The following PCDHA1 variants were observed in gnomAD, a reference collection of about 807,000 sequenced individuals.
PCDHA1 encodes protocadherin alpha 1.
A neutral mutation model predicts 61.3 loss-of-function variants in PCDHA1; 42 were observed. The observed-to-expected ratio is 0.69, with a 90% CI of 0.54 to 0.89. The LOEUF (loss-of-function observed/expected upper bound fraction) is 0.89. Among genes scored for constraint, PCDHA1 ranks in the 40% least tolerant of loss-of-function variants. The probability of loss-of-function intolerance (pLI) is 0.00; values close to 1 mark genes in which losing one functional copy is unlikely to be tolerated. For missense variants in PCDHA1, 1,256 were observed against 1,235.3 expected (o/e 1.02, Z -0.25); for synonymous variants, 610 against 553.8 (o/e 1.10, Z -1.43).
At chr5:140,803,690 T>C (rs782237100) in intron 1 of PCDHA1, 1 of 1,553,866 alleles carries the variant, frequency 6.4e-7, no homozygotes, top group East Asian at 2.2e-5. Flanking sequence ...GTATGAATTA[T>C]GTGATTCATA....
chr5:140,929,480 G>C, intron 1 of PCDHA1: 1 of 1,195,420 alleles, frequency 8.4e-7, no homozygotes, highest in Non-Finnish European at 1.1e-6. Context: ...TGGAAGTATA[G>C]AAGTATTAGA....
intron 1 of PCDHA1, among the ~76,000 whole-genome samples, chr5:140,818,937 A>G (rs1160435477): frequency 4.6e-5 from 7 of 152,228 alleles, no homozygotes; most frequent in Middle Eastern, 3.2e-3. Flanking sequence ...ATTATTTGAC[A>G]TGAACATTGA....
At chr5:140,823,911 C>T (rs2150130255) in intron 1 of PCDHA1, 3 of 1,613,880 alleles carry the variant, frequency 1.9e-6, no homozygotes, top group Admixed American at 1.7e-5. Flanking sequence ...TGCTGGTGCT[C>T]ACGCTGCTGC....
intron 1 of PCDHA1, 163 bp from the exon 2 acceptor site, chr5:140,978,786 G>C (rs2096822943): frequency 1.4e-5 from 14 of 972,674 alleles, no homozygotes; most frequent in Non-Finnish European, 1.3e-5. Context: ...CTTCTAAAGT[G>C]CTATATATGT....
chr5:140,855,923 A>C (rs1424860955), intron 1 of PCDHA1: 25 of 1,229,030 alleles, frequency 2.0e-5, no homozygotes, highest in Non-Finnish European at 2.7e-5. Context: ...ACTAGGAAGT[A>C]GCGTCATTCT....
intron 3 of PCDHA1, among the ~76,000 whole-genome samples, chr5:141,007,375 A>G (rs2098319986): frequency 6.8e-6 from 1 of 146,418 alleles, no homozygotes; most frequent in Non-Finnish European, 1.5e-5. Context: ...ACATGATGGA[A>G]CACCATCTCT....
rs2150283562 is a variant in PCDHA1, at chr5:140,838,076, TA to T, written c.2394+49393del. 8.0e-3 allele frequency among the ~76,000 whole-genome samples: 249 copies of T among 31,136 alleles called. 2 individuals are homozygous for T. The highest frequency in any genetic ancestry group is 0.023 in the African/African-American group (97 of 4,194). The allele number at this position is 31,136 out of a possible 152,430, so 20.4% of individuals were successfully genotyped here. On this transcript the variant is annotated intron_variant, in intron 1 of 3. Transcript: ENST00000504120. ...TTTTCCACTTTAAGTTATATATATA[TA>T]GTGTGTGTGTGTGTGTGTGTGTGTG... is the stretch of plus-strand genomic sequence containing the variant.
chr5:140,895,687 T>G (rs1417809630), intron 1 of PCDHA1, among the ~76,000 whole-genome samples: 2 of 152,184 alleles, frequency 1.3e-5, no homozygotes, highest in African/African-American at 4.8e-5. Flanking sequence ...GTTTTCTGTT[T>G]CTATATTAAT....
In PCDHA1 at chr5:140,855,370, A is replaced by C. The variant is rs1007316942; in HGVS notation, c.2394+66686A>C. Among the ~76,000 whole-genome samples the C allele has an allele frequency of 2.7e-5, 4 of 150,058 alleles. 1 individual carries two copies. Among genetic ancestry groups the C allele is most frequent in the Non-Finnish European group, 6.0e-5 (4 of 67,120 alleles). On this transcript the variant is annotated intron_variant, in intron 1 of 3. Transcript: ENST00000504120. ...AGTCATGTGGCTAGTGAGTAGGATA[A>C]TAGGAATCTAAATGGAGAAATGTCT...
chr5:140,903,273 T>G (rs1213268192), intron 1 of PCDHA1, among the ~76,000 whole-genome samples: 2 of 152,228 alleles, frequency 1.3e-5, no homozygotes, highest in Non-Finnish European at 2.9e-5. Flanking sequence ...AGTGAGGTAG[T>G]GTCTCATTGT....
intron 1 of PCDHA1, chr5:140,809,296 C>T: frequency 6.2e-7 from 1 of 1,614,130 alleles, no homozygotes; most frequent in Non-Finnish European, 8.5e-7. Context: ...TGATCATTGC[C>T]ATCTGCGCGG....
Position 140,802,614 on chromosome 5 carries a change from C to T in PCDHA1, c.2394+13930C>T. ...GAAGGAGAACAACCCGCCGGGCTGC[C>T]ACATCTTCACGGTGTCTGCGCGGGA... On this transcript the variant is annotated intron_variant, in intron 1 of 3. Coordinates refer to ENST00000504120, the MANE Select transcript of PCDHA1 (RefSeq NM_018900.4). 3 of 1,614,048 alleles carry T rather than the reference C, an allele frequency of 1.9e-6. No homozygotes were observed. In the South Asian group the frequency reaches 3.3e-5, roughly 18 times the overall value.
intron 1 of PCDHA1, chr5:140,828,834 A>G: frequency 1.9e-6 from 3 of 1,614,222 alleles, no homozygotes; most frequent in Non-Finnish European, 2.5e-6. Flanking sequence ...TCTGAATACG[A>G]AGTAAGAATA....
rs2150111777 is a variant in PCDHA1, at chr5:140,821,900, C to A, written c.2394+33216C>A. On this transcript the variant is annotated intron_variant, in intron 1 of 3. Coordinates refer to ENST00000504120, the MANE Select transcript of PCDHA1 (RefSeq NM_018900.4). ...ATCCCGGAGGAAGCCAAACACGGAA[C>A]CTTCGTTGGCCGCATCGCGCAGGAC... is the stretch of plus-strand genomic sequence containing the variant. 24 of 1,614,088 alleles carry A rather than the reference C, an allele frequency of 1.5e-5. No individual in the cohort carries two copies. The East Asian group carries it at 2.4e-4, about 16-fold the overall frequency.
At chr5:140,985,739 C>CA (rs781951589) in intron 3 of PCDHA1, among the ~76,000 whole-genome samples, 2 of 117,920 alleles carry the variant, frequency 1.7e-5, no homozygotes, top group Non-Finnish European at 3.4e-5. Flanking sequence ...TGATGAATTC[C>CA]TTTTTTTTTT....
chr5:140,809,620 A>C (rs1554125322), intron 1 of PCDHA1: 1 of 1,511,684 alleles, frequency 6.6e-7, no homozygotes. Context: ...GTTTTTCTCT[A>C]TCAACTTCTT....
chr5:140,836,538 A>G, intron 1 of PCDHA1: 1 of 1,613,734 alleles, frequency 6.2e-7, no homozygotes, highest in Non-Finnish European at 8.5e-7. Flanking sequence ...GCTGCTGTAC[A>G]CGGCGTTGCG....
chr5:140,828,819 A>T, intron 1 of PCDHA1: 2 of 1,614,224 alleles, frequency 1.2e-6, no homozygotes, highest in Middle Eastern at 3.3e-4. Flanking sequence ...CCCACTTTCG[A>T]ACAGTCTGAA....
Position 140,818,481 on chromosome 5 carries a change from C to T in PCDHA1, c.2394+29797C>T, listed in dbSNP as rs2150101403. ...AAACTTTCCTCCCACAAAGTTTTCA[C>T]TCACTTGATCTTGGATTTTAAAATC... On this transcript the variant is annotated intron_variant, in intron 1 of 3. Coordinates refer to ENST00000504120, the MANE Select transcript of PCDHA1 (RefSeq NM_018900.4). 3.2e-4 allele frequency among the ~76,000 whole-genome samples: 49 copies of T among 152,332 alleles called. 1 individual carries two copies. Among genetic ancestry groups the T allele is most frequent in the South Asian group, 2.7e-3 (13 of 4,828 alleles).
Sources: gnomAD v4.1 joint callset for allele counts (sites outside exome capture counted in the v4.1 genomes callset) on GRCh38, gnomAD v4.1.1 for gene constraint, MANE v1.5 for transcripts, NCBI Gene and HGNC (gene_info 2026-07-23, HGNC 2026-07-21) for gene names.